Variants in NTM observed in about 807,000 individuals in gnomAD.
NTM encodes IgLON family member 2.
NTM carries 13 observed loss-of-function variants against 42.1 expected under a neutral mutation model. That is an observed-to-expected ratio of 0.31 (90% CI 0.20 to 0.49). The LOEUF is 0.49. Among genes scored for constraint, NTM ranks in the 20% least tolerant of loss-of-function variants. The pLI is 0.99. For missense variants in NTM, 373 were observed against 452.8 expected, an observed-to-expected ratio of 0.82 and a Z score of 1.60; for synonymous variants, 187 against 179.2, an observed-to-expected ratio of 1.04 and a Z score of -0.35.
intron 1 of NTM, among the ~76,000 whole-genome samples, chr11:131,515,433 TGCA>T (rs1300930630): frequency 2.6e-5 from 4 of 152,310 alleles, no homozygotes; most frequent in African/African-American, 9.6e-5. Context: ...GTTAATCACC[TGCA>T]GCAGCAACTT....
At chr11:131,392,631 G>C (rs1277848977) in intron 1 of NTM, among the ~76,000 whole-genome samples, 1 of 152,204 alleles carries the variant, frequency 6.6e-6, no homozygotes, top group Non-Finnish European at 1.5e-5. Flanking sequence ...GGCAGGAGGA[G>C]TTGATGGGCA....
intron 1 of NTM, among the ~76,000 whole-genome samples, chr11:131,784,431 A>G (rs982518137): frequency 1.3e-5 from 2 of 152,210 alleles, no homozygotes; most frequent in African/African-American, 4.8e-5. Flanking sequence ...ATGAAAAGAA[A>G]CTTTGATACA....
intron 4 of NTM, among the ~76,000 whole-genome samples, chr11:132,245,986 C>CCCCTGTCCTATAGGGGTT (rs1379162022): frequency 6.6e-6 from 1 of 152,158 alleles, no homozygotes; most frequent in Non-Finnish European, 1.5e-5. Flanking sequence ...CGGCCACGTG[C>CCCCTGTCCTATAGGGGTT]CCCTGTCCTA....
At chr11:131,558,500 G>C (rs1979090) in intron 1 of NTM, among the ~76,000 whole-genome samples, 20,839 of 152,102 alleles carry the variant, frequency 0.14, 3,134 homozygotes, top group African/African-American at 0.37. Flanking sequence ...AACCACCTCT[G>C]TTCTTTTTCT....
intron 1 of NTM, among the ~76,000 whole-genome samples, chr11:131,688,868 C>T (rs371956683): frequency 1.3e-5 from 2 of 152,230 alleles, no homozygotes; most frequent in African/African-American, 2.4e-5. Context: ...GTCCCATCCC[C>T]GTCTGAGATG....
intron 7 of NTM, among the ~76,000 whole-genome samples, chr11:132,323,479 G>A (rs1334902016): frequency 6.6e-6 from 1 of 151,342 alleles, no homozygotes. Flanking sequence ...AAACCAGGAA[G>A]AAGTTGAATC....
At chr11:131,550,671 C>T (rs534513035) in intron 1 of NTM, among the ~76,000 whole-genome samples, 1 of 151,954 alleles carries the variant, frequency 6.6e-6, no homozygotes, top group Non-Finnish European at 1.5e-5. Flanking sequence ...TATAAATTAC[C>T]CAGTTTCAGG....
intron 2 of NTM, among the ~76,000 whole-genome samples, chr11:132,081,982 A>T (rs542466369): frequency 6.7e-6 from 1 of 148,698 alleles, no homozygotes; most frequent in East Asian, 1.9e-4. Context: ...AAATAATGCA[A>T]TTGCTGGCAC....
intron 2 of NTM, among the ~76,000 whole-genome samples, chr11:131,929,449 GTTT>G (rs71067347): frequency 0.23 from 34,761 of 148,140 alleles, 4,365 homozygotes; most frequent in East Asian, 0.51. Flanking sequence ...CATGTTAGCA[GTTT>G]TTTTTTTTTA....
At chr11:132,142,918 A>C (rs2069500972) in intron 2 of NTM, among the ~76,000 whole-genome samples, 1 of 152,212 alleles carries the variant, frequency 6.6e-6, no homozygotes. Flanking sequence ...AGCCCAGGAC[A>C]GTCCTCTCGT....
chr11:132,037,043 A>T (rs2076591237), intron 2 of NTM, among the ~76,000 whole-genome samples: 1 of 152,054 alleles, frequency 6.6e-6, no homozygotes. Context: ...CCTTCTCCAG[A>T]TGCTATAGTT....
chr11:131,625,708 C>T (rs537300677), intron 1 of NTM, among the ~76,000 whole-genome samples: 8 of 152,282 alleles, frequency 5.3e-5, no homozygotes, highest in African/African-American at 1.9e-4. Flanking sequence ...AATCACCAGG[C>T]CCTGTTGTGC....
At chr11:131,406,063 G>T (rs569243786) in intron 1 of NTM, among the ~76,000 whole-genome samples, 2 of 152,256 alleles carry the variant, frequency 1.3e-5, no homozygotes, top group Non-Finnish European at 2.9e-5. Flanking sequence ...AAACTGTCCT[G>T]TTAATTTGTT....
chr11:131,848,097 G>A (rs1007711433), intron 1 of NTM, among the ~76,000 whole-genome samples: 6 of 152,054 alleles, frequency 3.9e-5, no homozygotes, highest in African/African-American at 1.2e-4. Context: ...TCATGTAGAC[G>A]TGGTGTATCA....
At chr11:131,597,489 C>T (rs2059913501) in intron 1 of NTM, among the ~76,000 whole-genome samples, 1 of 152,188 alleles carries the variant, frequency 6.6e-6, no homozygotes, top group Admixed American at 6.5e-5. Flanking sequence ...ACTTCAGATT[C>T]CGCATTCTGG....
chr11:132,201,748 A>G (rs1484882205), intron 3 of NTM, among the ~76,000 whole-genome samples: 2 of 152,252 alleles, frequency 1.3e-5, no homozygotes, highest in African/African-American at 4.8e-5. Context: ...CTCAATCACA[A>G]TAGCATTCAT....
At chr11:131,780,393 T>TGAGACTATG (rs906358604) in intron 1 of NTM, among the ~76,000 whole-genome samples, 1 of 152,060 alleles carries the variant, frequency 6.6e-6, no homozygotes, top group African/African-American at 2.4e-5. Flanking sequence ...GCTGTCTGCT[T>TGAGACTATG]GAGACTATGG....
chr11:132,321,716 C>G (rs1252786899), intron 7 of NTM, among the ~76,000 whole-genome samples: 1 of 150,788 alleles, frequency 6.6e-6, no homozygotes, highest in African/African-American at 2.4e-5. Context: ...AACTCCAAGA[C>G]ACATAATTGT....
chr11:132,142,758 T>C (rs1222655909), intron 2 of NTM, among the ~76,000 whole-genome samples: 1 of 152,140 alleles, frequency 6.6e-6, no homozygotes, highest in East Asian at 1.9e-4. Context: ...GAGTAGTACA[T>C]CACAGGAGCC....
Sources: allele counts gnomAD v4.1 joint callset (sites outside exome capture counted in the v4.1 genomes callset), GRCh38; gene constraint gnomAD v4.1.1; transcripts MANE v1.5; gene names NCBI Gene and HGNC (gene_info 2026-07-23, HGNC 2026-07-21).